TCHP: variants seen among roughly 807,000 people sequenced by gnomAD.
TCHP encodes trichoplein keratin filament-binding protein.
Under a neutral mutation model 88.7 loss-of-function variants are expected in TCHP, and 81 were observed. The observed-to-expected ratio is 0.91, with a 90% CI of 0.76 to 1.10. The LOEUF (loss-of-function observed/expected upper bound fraction) is 1.10. Among genes scored for constraint, TCHP ranks in the 50% least tolerant of loss-of-function variants. The probability of loss-of-function intolerance (pLI) is 0.00; values close to 1 mark genes in which losing one functional copy is unlikely to be tolerated. For synonymous variants in TCHP, 232 were observed against 232.5 expected (o/e 1.00, Z 0.02); for missense variants, 641 against 632.1 (o/e 1.01, Z -0.15).
At chr12:109,904,226 C>T (rs1438621273) in intron 3 of TCHP, 79 bp downstream of exon 3, 1 of 1,346,198 alleles carries the variant, frequency 7.4e-7, no homozygotes, top group African/African-American at 1.5e-5. Context: ...TAGGGTCATT[C>T]CTGGGTGCTC....
In TCHP at chr12:109,916,626, T is replaced by C; in HGVS notation, c.*3T>C. On this transcript the variant is annotated 3_prime_UTR_variant, in exon 13 of 13. Transcript: ENST00000405876. Reference sequence around the variant, plus strand: ...ATCCAAAAATTGCTTGGAACTGACTTCATGGGTACCATAAGTACAGAGAAC... The same window carrying C: ...ATCCAAAAATTGCTTGGAACTGACTCCATGGGTACCATAAGTACAGAGAAC... 1 of 1,613,566 alleles carries C rather than the reference T, an allele frequency of 6.2e-7. No homozygotes were observed. Among genetic ancestry groups the C allele is most frequent in the Non-Finnish European group, 8.5e-7 (1 of 1,179,852 alleles).
rs1024326233 is a variant in TCHP at position 109,914,520 on chromosome 12, A to G, written c.1213A>G (p.Arg405Gly). The change falls in exon 11 of 13, where the codon AGG becomes GGG. Residue 405 changes from arginine (R) to glycine (G), a missense_variant. Physicochemically the swap from Arg to Gly is moderately radical, Grantham distance 125. Coordinates refer to ENST00000405876, the MANE Select transcript of TCHP (RefSeq NM_001143852.2). ...RRAQEESLKH[R>G]EQLIRNLEEV... ...GGCACAAGAGGAATCCCTGAAACAC[A>G]GGGAGCAACTTATTCGAAATCTTGA... 10 of 1,614,064 alleles carry G rather than the reference A, an allele frequency of 6.2e-6. No individual in the cohort carries two copies. The highest frequency in any genetic ancestry group is 8.5e-6 in the Non-Finnish European group (10 of 1,180,016).
At chr12:109,886,297 C>T in the TCHP span, among the ~76,000 whole-genome samples, 1 of 152,148 alleles carries the variant, frequency 6.6e-6, no homozygotes, top group South Asian at 2.1e-4. Context: ...GCCACCACGC[C>T]CAGCTAATTT....
At chr12:109,907,799 C>G (rs1305080503) in intron 6 of TCHP, 100 bp downstream of exon 6, 1 of 1,339,252 alleles carries the variant, frequency 7.5e-7, no homozygotes, top group East Asian at 2.5e-5. Flanking sequence ...CATAGCAGGG[C>G]TGAGATTCTG....
chr12:109,893,841 A>G, the TCHP span, among the ~76,000 whole-genome samples: 9 of 152,204 alleles, frequency 5.9e-5, no homozygotes, highest in Admixed American at 3.9e-4. Flanking sequence ...TATTTGGGAC[A>G]TGTGTGCTTA....
chr12:109,894,765 C>CAAA, the TCHP span, among the ~76,000 whole-genome samples: 959 of 73,910 alleles, frequency 0.013, 6 homozygotes, highest in African/African-American at 0.03. Context: ...AACTCTGTCC[C>CAAA]AAAAAAAAAA....
the TCHP span, among the ~76,000 whole-genome samples, chr12:109,892,215 A>G: frequency 7.2e-5 from 11 of 152,166 alleles, no homozygotes; most frequent in East Asian, 1.9e-4. Flanking sequence ...TAATGCTTCA[A>G]TGAAAGCTAT....
the TCHP span, among the ~76,000 whole-genome samples, chr12:109,885,924 T>C: frequency 6.6e-6 from 1 of 152,062 alleles, no homozygotes; most frequent in African/African-American, 2.4e-5. Context: ...ACTACAGGTG[T>C]GTGCCTATTA....
At chr12:109,886,458 C>T in the TCHP span, among the ~76,000 whole-genome samples, 1 of 151,944 alleles carries the variant, frequency 6.6e-6, no homozygotes, top group Non-Finnish European at 1.5e-5. Context: ...TATTTAGTGG[C>T]TCAAATTGTC....
At chr12:109,908,505 A>C in intron 6 of TCHP, 81 bp from the exon 7 acceptor site, 1 of 1,267,578 alleles carries the variant, frequency 7.9e-7, no homozygotes, top group Non-Finnish European at 1.1e-6. Flanking sequence ...GTGTCTGCGA[A>C]AAATGGAGAT....
In TCHP at chr12:109,903,821, A is replaced by G. The variant is rs1170877270; in HGVS notation, c.189-116A>G. 2 of 802,048 alleles carry G rather than the reference A, an allele frequency of 2.5e-6. No homozygotes were observed. Among genetic ancestry groups the G allele is most frequent in the Non-Finnish European group, 2.1e-6 (1 of 482,076 alleles). 49.7% of individuals were successfully genotyped at this position (802,048 alleles called of 1,614,324 possible). A position where few individuals can be genotyped will look rare whatever the true frequency, so the allele number is the denominator to read the frequency against. ...TGCTGTCTCTGCTTTGGCTGGGGAC[A>G]CATTCCTGTGTCGTCATGACACATC... On this transcript the variant is annotated intron_variant, in intron 2 of 12. Transcript: ENST00000405876. The surrounding 1 kb of genome is among the most constrained non-coding windows in gnomAD (Gnocchi z 4.6).
chr12:109,916,550 C>T (rs1341838753), intron 12 of TCHP, 41 bp from the exon 13 acceptor site: 1 of 1,600,688 alleles, frequency 6.2e-7, no homozygotes, highest in South Asian at 1.1e-5. Flanking sequence ...GCTGCAGATA[C>T]TGCTGATCTG....
At chr12:109,913,688 G>C (rs1870638341) in intron 10 of TCHP, among the ~76,000 whole-genome samples, 2 of 152,212 alleles carry the variant, frequency 1.3e-5, no homozygotes, top group Admixed American at 1.3e-4. Context: ...GAGGAGAAGA[G>C]AGAGTGTTAC....
chr12:109,906,790 G>A, intron 5 of TCHP, 150 bp downstream of exon 5: 1 of 659,330 alleles, frequency 1.5e-6, no homozygotes, highest in Non-Finnish European at 2.6e-6. Context: ...TGTGAAAACT[G>A]AATGTTTGCT....
chr12:109,914,969 C>G, intron 11 of TCHP: 1 of 395,216 alleles, frequency 2.5e-6, no homozygotes, highest in Non-Finnish European at 4.7e-6. Context: ...ACAGGCCGAG[C>G]TTTTCACGAG....
chr12:109,890,609 G>C, the TCHP span, among the ~76,000 whole-genome samples: 1 of 151,072 alleles, frequency 6.6e-6, no homozygotes, highest in South Asian at 2.1e-4. Context: ...TCCCAGGTTC[G>C]AGCGATTCTC....
At chr12:109,906,296 C>G (rs1870119613) in intron 4 of TCHP, among the ~76,000 whole-genome samples, 1 of 152,194 alleles carries the variant, frequency 6.6e-6, no homozygotes, top group African/African-American at 2.4e-5. Context: ...CCAGCCCAAC[C>G]CTAGGGCTAG....
chr12:109,889,388 G>T, the TCHP span, among the ~76,000 whole-genome samples: 1 of 151,888 alleles, frequency 6.6e-6, no homozygotes, highest in African/African-American at 2.4e-5. Context: ...CAGGAGAATG[G>T]CATGAACCCA....
chr12:109,916,355 G>A (rs1870816774), intron 12 of TCHP, among the ~76,000 whole-genome samples: 1 of 152,246 alleles, frequency 6.6e-6, no homozygotes, highest in African/African-American at 2.4e-5. Context: ...CCGTGGATCA[G>A]TGAGAGTGTC....
Sources: allele counts gnomAD v4.1 joint callset (sites outside exome capture counted in the v4.1 genomes callset), GRCh38; gene constraint gnomAD v4.1.1; non-coding constraint Gnocchi (gnomAD v3.1); transcripts MANE v1.5; gene names NCBI Gene and HGNC (gene_info 2026-07-23, HGNC 2026-07-21).